The following RRP1B variants were observed in gnomAD, a reference collection of about 807,000 sequenced individuals.
The protein encoded by RRP1B is ribosomal RNA processing protein 1 homolog B.
RRP1B carries 56 observed loss-of-function variants against 80.2 expected under a neutral mutation model. That is an observed-to-expected ratio of 0.70 (90% CI 0.56 to 0.87). RRP1B has a LOEUF of 0.87. RRP1B is among the 40% of genes least tolerant of loss of function. The pLI is 0.00. For synonymous variants in RRP1B, 351 were observed against 357.6 expected (o/e 0.98, Z 0.21); for missense variants, 807 against 939.8 (o/e 0.86, Z 1.85).
chr21:43,663,073 C>T (rs899967942), intron 1 of RRP1B, among the ~76,000 whole-genome samples: 96 of 152,130 alleles, frequency 6.3e-4, no homozygotes, highest in Admixed American at 2.6e-4. Flanking sequence ...TTCTCTCTAT[C>T]CAAGAGTTAT....
Position 43,687,567 on chromosome 21 carries a change from AGAG to A in RRP1B, c.1194_1196del (p.Arg401del). Reference sequence around the variant, plus strand: ...GAGGACAGTGAAAGCAGTCTTCAAAAGAGAAGAAGGAAGAAGAAGAAGAAGCAC... The same window carrying A: ...GAGGACAGTGAAAGCAGTCTTCAAAAAAGAAGGAAGAAGAAGAAGAAGCAC... On this transcript the variant is annotated inframe_deletion, in exon 13 of 16. Transcript: ENST00000340648. The A allele has an allele frequency of 6.6e-7, 1 of 1,504,594 alleles. No individual in the cohort carries two copies. The highest frequency in any genetic ancestry group is 8.8e-7 in the Non-Finnish European group (1 of 1,134,616). The allele number at this position is 1,504,594 out of a possible 1,614,324, so 93.2% of individuals were successfully genotyped here.
intron 8 of RRP1B, among the ~76,000 whole-genome samples, chr21:43,680,139 C>T (rs1403097934): frequency 6.6e-6 from 1 of 152,130 alleles, no homozygotes; most frequent in Admixed American, 6.6e-5. Context: ...TCGGCAAACA[C>T]GGACTTTGAC....
chr21:43,684,419 C>T (rs1323116791), intron 9 of RRP1B, 134 bp from the exon 10 acceptor site: 1 of 747,830 alleles, frequency 1.3e-6, no homozygotes, highest in East Asian at 2.5e-5. Context: ...GTTGCCAAGT[C>T]CCAGCACAAG....
At chr21:43,668,798 C>T (rs2082988576) in intron 1 of RRP1B, among the ~76,000 whole-genome samples, 1 of 152,180 alleles carries the variant, frequency 6.6e-6, no homozygotes, top group Non-Finnish European at 1.5e-5. Flanking sequence ...CTAGTAAAAT[C>T]CTAATAAAGA....
rs948937864 is a variant in RRP1B at position 43,659,658 on chromosome 21, G to C, written c.-7G>C. On this transcript the variant is annotated 5_prime_UTR_variant, in exon 1 of 16. Transcript: ENST00000340648. This position sits in a 1 kb window ranked among gnomAD's most constrained non-coding sequence, Gnocchi z 4.2. ...GTTGCGCGGCCGGGGATGCTCCAGC[G>C]GGCGCGATGGCCCCCGCCATGCAGC... 3 of 1,500,160 alleles carry C rather than the reference G, an allele frequency of 2.0e-6. No individual in the cohort carries two copies. The highest frequency in any genetic ancestry group is 1.8e-6 in the Non-Finnish European group (2 of 1,123,674). 92.9% of individuals were successfully genotyped at this position (1,500,160 alleles called of 1,614,324 possible).
chr21:43,669,233 T>C (rs985292418), intron 1 of RRP1B, among the ~76,000 whole-genome samples: 1 of 152,142 alleles, frequency 6.6e-6, no homozygotes, highest in African/African-American at 2.4e-5. Context: ...GCCAACCTGG[T>C]GATGCCACAG....
intron 5 of RRP1B, 68 bp from the exon 6 acceptor site, chr21:43,674,965 TG>T (rs1395482709): frequency 6.3e-7 from 1 of 1,585,304 alleles, no homozygotes; most frequent in African/African-American, 1.4e-5. Flanking sequence ...GGAGTATTTT[TG>T]TTTCTCTTTG....
intron 1 of RRP1B, among the ~76,000 whole-genome samples, chr21:43,660,371 C>T (rs901586095): frequency 8.5e-5 from 13 of 152,110 alleles, no homozygotes; most frequent in African/African-American, 2.9e-4. Flanking sequence ...CGAGACCAGC[C>T]GGACCAACAT....
At chr21:43,689,374 T>C (rs1217325731) in intron 13 of RRP1B, among the ~76,000 whole-genome samples, 3 of 152,230 alleles carry the variant, frequency 2.0e-5, no homozygotes. Context: ...AAGCGCTGGT[T>C]TGGGGCTAAG....
chr21:43,676,582 C>T (rs909601250), intron 7 of RRP1B, 151 bp from the exon 8 acceptor site: 2 of 750,394 alleles, frequency 2.7e-6, no homozygotes, highest in Non-Finnish European at 4.3e-6. Flanking sequence ...TGTCGGGTGG[C>T]ACTTAGGCAG....
At position 43,672,349 on chromosome 21, in the gene RRP1B, TAAC is replaced by T; in HGVS notation, c.259_261del (p.Asn87del). Reference sequence around the variant, plus strand: ...CCATTGCACAGCTAGTCCATGCTGTTAACAACTCAGCGGCTCGTAAGTCCTGTT... The same window carrying T: ...CCATTGCACAGCTAGTCCATGCTGTTAACTCAGCGGCTCGTAAGTCCTGTT... On this transcript the variant is annotated inframe_deletion, in exon 3 of 16. Coordinates refer to ENST00000340648, the MANE Select transcript of RRP1B (RefSeq NM_015056.3). The T allele has an allele frequency of 1.9e-6, 3 of 1,614,120 alleles. No homozygotes were observed. The highest frequency in any genetic ancestry group is 1.6e-4 in the Middle Eastern group (1 of 6,062).
intron 1 of RRP1B, among the ~76,000 whole-genome samples, chr21:43,669,432 G>C (rs1461910215): frequency 5.3e-5 from 8 of 152,182 alleles, no homozygotes; most frequent in Non-Finnish European, 8.8e-5. Context: ...CTGGTTTTCT[G>C]TTCCTCGGAA....
intron 8 of RRP1B, among the ~76,000 whole-genome samples, chr21:43,677,672 T>G (rs2147168906): frequency 6.6e-6 from 1 of 152,378 alleles, no homozygotes; most frequent in Non-Finnish European, 1.5e-5. Flanking sequence ...GGGTTTTCTT[T>G]AATTATTATG....
intron 9 of RRP1B, among the ~76,000 whole-genome samples, chr21:43,683,837 G>A (rs115381580): frequency 0.013 from 2,033 of 151,588 alleles, 30 homozygotes; most frequent in African/African-American, 0.041. Context: ...AAATTAGCCC[G>A]ACACCGTGGC....
chr21:43,660,580 A>G (rs1009683127), intron 1 of RRP1B, among the ~76,000 whole-genome samples: 1 of 152,058 alleles, frequency 6.6e-6, no homozygotes, highest in Non-Finnish European at 1.5e-5. Context: ...AAAGAAAAGA[A>G]AAAAGGAAAA....
intron 1 of RRP1B, among the ~76,000 whole-genome samples, chr21:43,664,927 C>T (rs993735361): frequency 1.6e-5 from 2 of 123,954 alleles, no homozygotes; most frequent in African/African-American, 6.9e-5. Context: ...GATTCAGTTA[C>T]CTCCCACTGG....
intron 15 of RRP1B, among the ~76,000 whole-genome samples, chr21:43,692,961 G>A (rs1165843165): frequency 6.6e-6 from 1 of 152,122 alleles, no homozygotes; most frequent in East Asian, 1.9e-4. Context: ...AGTCTGTGCA[G>A]GCAGCCCTGG....
chr21:43,676,366 C>T lies in RRP1B; in HGVS notation c.614+30C>T, dbSNP rs544414061. On this transcript the variant is annotated intron_variant, in intron 7 of 15. Transcript: ENST00000340648. Reference sequence around the variant, plus strand: ...GTGATTCCCCTGTTCGTTCCTCCTGCTCCGTGGCATTTGCTCATGGGAGTT... The same window carrying T: ...GTGATTCCCCTGTTCGTTCCTCCTGTTCCGTGGCATTTGCTCATGGGAGTT... 93 of 1,557,058 alleles carry T rather than the reference C, an allele frequency of 6.0e-5. No individual in the cohort carries two copies. The South Asian group carries it at 9.8e-4, about 16-fold the overall frequency.
Position 43,687,626 on chromosome 21 carries a change from G to C in RRP1B, c.1252G>C (p.Gly418Arg), listed in dbSNP as rs752515913. 2 of 1,537,732 alleles carry C rather than the reference G, an allele frequency of 1.3e-6. No homozygotes were observed. The highest frequency in any genetic ancestry group is 2.8e-5 in the African/African-American group (2 of 72,138). ...GCAGCCTGAAAATCCAGGCCCAGGGGGTGCAGCCCCATCCCTGGAACAGAA... is the reference window on the plus strand; with the variant it reads ...GCAGCCTGAAAATCCAGGCCCAGGGCGTGCAGCCCCATCCCTGGAACAGAA... ...HLQPENPGPG[G>R]AAPSLEQNRG... The change falls in exon 13 of 16, where the codon GGT becomes CGT. Residue 418 changes from glycine to arginine, a missense_variant. Transcript: ENST00000340648.
Sources: allele counts gnomAD v4.1 joint callset (sites outside exome capture counted in the v4.1 genomes callset), GRCh38; gene constraint gnomAD v4.1.1; non-coding constraint Gnocchi (gnomAD v3.1); transcripts MANE v1.5; gene names NCBI Gene and HGNC (gene_info 2026-07-23, HGNC 2026-07-21).